The following CUX1 variants were observed in gnomAD, a reference collection of about 807,000 sequenced individuals.
CUX1 encodes cut like homeobox 1, also known as protein CASP.
In CUX1, 31 loss-of-function variants were observed where a neutral mutation model predicts 158.8. That is an observed-to-expected ratio of 0.20 (90% CI 0.15 to 0.26). The LOEUF is 0.26. Ranked by LOEUF, CUX1 falls within the 10% of genes least tolerant of loss-of-function variation. The probability of loss-of-function intolerance (pLI) is 1.00; values close to 1 mark genes in which losing one functional copy is unlikely to be tolerated. For missense variants in CUX1, 1,589 were observed against 2,014.6 expected, an observed-to-expected ratio of 0.79 and a Z score of 4.04; for synonymous variants, 879 against 862.1, an observed-to-expected ratio of 1.02 and a Z score of -0.34.
chr7:102,163,263 A>T (rs1360136506), intron 9 of CUX1, among the ~76,000 whole-genome samples: 1 of 151,680 alleles, frequency 6.6e-6, no homozygotes, highest in Non-Finnish European at 1.5e-5. Context: ...AGGCAGGAGC[A>T]TCACTTGAGC....
At chr7:101,941,662 A>T (rs1807730882) in intron 2 of CUX1, among the ~76,000 whole-genome samples, 2 of 152,172 alleles carry the variant, frequency 1.3e-5, no homozygotes, top group African/African-American at 4.8e-5. Flanking sequence ...GGTAGTTTTC[A>T]CGTCGGGGCA....
intron 2 of CUX1, among the ~76,000 whole-genome samples, chr7:101,923,721 A>G (rs1210478782): frequency 1.3e-5 from 2 of 152,178 alleles, no homozygotes; most frequent in Non-Finnish European, 2.9e-5. Flanking sequence ...TCCTGCTCAG[A>G]TGCACATGAT....
intron 8 of CUX1, among the ~76,000 whole-genome samples, chr7:102,120,425 G>C (rs782711306): frequency 6.6e-6 from 1 of 152,118 alleles, no homozygotes; most frequent in Non-Finnish European, 1.5e-5. Flanking sequence ...TTAGTCTTAG[G>C]AGAATTTGCA....
intron 1 of CUX1, among the ~76,000 whole-genome samples, chr7:101,825,070 G>A (rs373389905): frequency 5.9e-5 from 9 of 152,154 alleles, no homozygotes; most frequent in East Asian, 1.9e-4. Context: ...CTGTGTCCTC[G>A]CCGAGAGCGT....
chr7:102,204,621 C>A, intron 19 of CUX1, 65 bp downstream of exon 19: 1 of 1,574,616 alleles, frequency 6.4e-7, no homozygotes, highest in Non-Finnish European at 8.6e-7. Context: ...TCACAGCAGC[C>A]CCACCTGGGC....
chr7:102,096,377 CCT>C (rs1216502742), intron 4 of CUX1, among the ~76,000 whole-genome samples: 3 of 152,140 alleles, frequency 2.0e-5, no homozygotes, highest in Non-Finnish European at 4.4e-5. Flanking sequence ...GTGTTTCTTT[CCT>C]CTGCTTCACC....
chr7:101,879,271 C>G (rs373406284), intron 1 of CUX1, among the ~76,000 whole-genome samples: 1 of 151,884 alleles, frequency 6.6e-6, no homozygotes, highest in Non-Finnish European at 1.5e-5. Context: ...GGACCTTAAC[C>G]CTTTGCCCCC....
intron 8 of CUX1, among the ~76,000 whole-genome samples, chr7:102,143,488 G>C (rs782000889): frequency 1.8e-4 from 28 of 152,138 alleles, no homozygotes; most frequent in Non-Finnish European, 1.5e-5. Context: ...GCCCAGGCTG[G>C]TCTCGAATTC....
At chr7:102,152,699 A>G (rs1051415702) in intron 8 of CUX1, among the ~76,000 whole-genome samples, 4 of 152,300 alleles carry the variant, frequency 2.6e-5, no homozygotes, top group Admixed American at 2.6e-4. Flanking sequence ...GCCGACTTTT[A>G]AAATAATAAT....
intron 1 of CUX1, among the ~76,000 whole-genome samples, chr7:101,860,171 T>C (rs1274181893): frequency 6.6e-6 from 1 of 152,154 alleles, no homozygotes; most frequent in Non-Finnish European, 1.5e-5. Context: ...AGATGCATTG[T>C]CGCTGTTTGG....
At chr7:102,189,782 G>A (rs781809599) in intron 11 of CUX1, 31 bp from the exon 12 acceptor site, 3 of 1,612,742 alleles carry the variant, frequency 1.9e-6, no homozygotes, top group Admixed American at 3.3e-5. Context: ...TGTCAGGCAT[G>A]GCCACTGATC....
chr7:101,863,104 C>T (rs1387826022), intron 1 of CUX1, among the ~76,000 whole-genome samples: 1 of 152,092 alleles, frequency 6.6e-6, no homozygotes, highest in Non-Finnish European at 1.5e-5. Context: ...TCCACAGATA[C>T]ATCAGTGTGT....
At chr7:101,901,601 T>G (rs949346413) in intron 1 of CUX1, among the ~76,000 whole-genome samples, 3 of 152,106 alleles carry the variant, frequency 2.0e-5, no homozygotes, top group Non-Finnish European at 4.4e-5. Flanking sequence ...GGCCACAAAA[T>G]CTATTTTAAT....
At chr7:102,274,017 T>C (rs1304896652) in intron 15 of CUX1, among the ~76,000 whole-genome samples, 1 of 152,228 alleles carries the variant, frequency 6.6e-6, no homozygotes, top group Non-Finnish European at 1.5e-5. Context: ...AGAGCTGCAC[T>C]GCTGCTGAAC....
At chr7:102,207,715 G>A (rs1796098045) in intron 20 of CUX1, among the ~76,000 whole-genome samples, 1 of 151,776 alleles carries the variant, frequency 6.6e-6, no homozygotes, top group African/African-American at 2.4e-5. Context: ...GCCTCCCAAA[G>A]TGCTGGGATT....
intron 20 of CUX1, among the ~76,000 whole-genome samples, chr7:102,211,199 C>G (rs1013051930): frequency 1.3e-5 from 2 of 150,780 alleles, no homozygotes; most frequent in Admixed American, 6.6e-5. Context: ...TAATCCCAGC[C>G]CTTTGGGAGG....
At chr7:101,939,058 CATATATATATATATATATATAT>C (rs58303224) in intron 2 of CUX1, among the ~76,000 whole-genome samples, 10,272 of 52,466 alleles carry the variant, frequency 0.2, 1,814 homozygotes, top group Non-Finnish European at 0.25. Context: ...AAAAAAAATA[CATATATATATATATATATATAT>C]ATATATATAT....
At chr7:101,890,304 G>C (rs1800739235) in intron 1 of CUX1, among the ~76,000 whole-genome samples, 1 of 151,320 alleles carries the variant, frequency 6.6e-6, no homozygotes, top group South Asian at 2.1e-4. Flanking sequence ...GGATGAGAGT[G>C]GGCTGGCCAG....
At position 102,257,294 on chromosome 7, in the gene CUX1, C is replaced by G; in HGVS notation, c.*8252C>G. On this transcript the variant is annotated 3_prime_UTR_variant, in exon 24 of 24. Coordinates refer to ENST00000292535, the MANE Select transcript of CUX1 (RefSeq NM_181552.4). The stretch of plus-strand genomic sequence containing the variant: ...CCTCCACCGAAACAATGGTCCCCAT[C>G]TCCCCAGAAGCCTTTTTTTTTTTCA... 1 of 984,254 alleles carries G rather than the reference C, an allele frequency of 1.0e-6. No individual in the cohort carries two copies. The highest frequency in any genetic ancestry group is 1.8e-5 in the African/African-American group (1 of 57,124). 61.0% of individuals were successfully genotyped at this position (984,254 alleles called of 1,614,324 possible). A position where few individuals can be genotyped will look rare whatever the true frequency, so the allele number is the denominator to read the frequency against.
Sources: gnomAD v4.1 joint callset for allele counts (sites outside exome capture counted in the v4.1 genomes callset) on GRCh38, gnomAD v4.1.1 for gene constraint, MANE v1.5 for transcripts, NCBI Gene and HGNC (gene_info 2026-07-23, HGNC 2026-07-21) for gene names.